TGFBR1: variants seen among roughly 807,000 people sequenced by gnomAD.
TGFBR1 encodes TGF-beta receptor type-1.
TGFBR1 carries 20 observed loss-of-function variants against 55.1 expected under a neutral mutation model. The observed-to-expected ratio is 0.36, with a 90% CI of 0.26 to 0.53. The LOEUF is 0.53. Ranked by LOEUF, TGFBR1 falls within the 20% of genes least tolerant of loss-of-function variation. The pLI is 0.91. For missense variants in TGFBR1, 385 were observed against 617.6 expected, an observed-to-expected ratio of 0.62 and a Z score of 3.99; for synonymous variants, 220 against 214.8, an observed-to-expected ratio of 1.02 and a Z score of -0.21.
In TGFBR1 at chr9:99,123,319, A is replaced by G. The variant is rs184577335; in HGVS notation, c.98-5536A>G. Among the ~76,000 whole-genome samples, 13 of 152,284 alleles carry G rather than the reference A, an allele frequency of 8.5e-5. No homozygotes were observed. In the East Asian group the frequency reaches 1.9e-3, roughly 23 times the overall value. On this transcript the variant is annotated intron_variant, in intron 1 of 8. Coordinates refer to ENST00000374994, the MANE Select transcript of TGFBR1 (RefSeq NM_004612.4). Reference sequence around the variant, plus strand: ...AAATGTAAAGCTTAGAGAAATGTGCATCTCAAGATTAAGAAAGCTATGCCC... The same window carrying G: ...AAATGTAAAGCTTAGAGAAATGTGCGTCTCAAGATTAAGAAAGCTATGCCC...
chr9:99,115,474 G>A (rs1371094718), intron 1 of TGFBR1, among the ~76,000 whole-genome samples: 1 of 152,198 alleles, frequency 6.6e-6, no homozygotes, highest in Non-Finnish European at 1.5e-5. Context: ...GGCTTTTTCT[G>A]CGAGAAACTA....
intron 8 of TGFBR1, among the ~76,000 whole-genome samples, chr9:99,148,271 C>T (rs953616235): frequency 6.6e-6 from 1 of 152,138 alleles, no homozygotes. Flanking sequence ...CATCTGATTG[C>T]CCAGATAACC....
chr9:99,148,433 T>A (rs1182856167), intron 8 of TGFBR1, among the ~76,000 whole-genome samples: 2 of 152,204 alleles, frequency 1.3e-5, no homozygotes, highest in African/African-American at 4.8e-5. Context: ...AATTGCTAGC[T>A]GTTACTATTA....
chr9:99,144,484 TG>T (rs1220629481), intron 5 of TGFBR1, among the ~76,000 whole-genome samples: 1 of 152,194 alleles, frequency 6.6e-6, no homozygotes, highest in Non-Finnish European at 1.5e-5. Flanking sequence ...ACTTTTTTTT[TG>T]CCCCAGTCTT....
At chr9:99,122,956 A>G (rs902231350) in intron 1 of TGFBR1, among the ~76,000 whole-genome samples, 2 of 152,158 alleles carry the variant, frequency 1.3e-5, no homozygotes, top group Non-Finnish European at 2.9e-5. Context: ...CCTTTGTTTC[A>G]TGCTCAAAAT....
At chr9:99,105,559 G>T (rs1380619989) in intron 1 of TGFBR1, among the ~76,000 whole-genome samples, 1 of 151,338 alleles carries the variant, frequency 6.6e-6, no homozygotes, top group African/African-American at 2.4e-5. Context: ...CCCCGCTCGG[G>T]ACTCCCCGGG....
rs1228196810 is a variant in TGFBR1 at position 99,147,555 on chromosome 9, G to C, written c.1256-99G>C. ...ATCTCTGTTCCACATACCTACTTTA[G>C]TAATGAAACACTGTAATAGGTCTCT... On this transcript the variant is annotated intron_variant, in intron 7 of 8. Coordinates refer to ENST00000374994, the MANE Select transcript of TGFBR1 (RefSeq NM_004612.4). 7.0e-6 allele frequency: 8 copies of C among 1,137,992 alleles called. No homozygotes were observed. The Admixed American group carries it at 1.5e-4, about 22-fold the overall frequency. 70.5% of individuals were successfully genotyped at this position (1,137,992 alleles called of 1,614,324 possible). A position where few individuals can be genotyped will look rare whatever the true frequency, so the allele number is the denominator to read the frequency against.
intron 1 of TGFBR1, among the ~76,000 whole-genome samples, chr9:99,124,234 G>T (rs1352921482): frequency 6.6e-6 from 1 of 152,076 alleles, no homozygotes; most frequent in Non-Finnish European, 1.5e-5. Flanking sequence ...CAGGACTCAG[G>T]ATTTTAATTA....
chr9:99,133,035 A>G lies in TGFBR1; in HGVS notation c.574+296A>G, dbSNP rs375593060. ...AATTTGCTTTTCATCACTGTGAGGT[A>G]GAAAGGATAAGAACAATTATTCTCA... On this transcript the variant is annotated intron_variant, in intron 3 of 8. Transcript: ENST00000374994. Among the ~76,000 whole-genome samples, 22 of 152,330 alleles carry G rather than the reference A, an allele frequency of 1.4e-4. 1 individual carries two copies. The highest frequency in any genetic ancestry group is 1.2e-3 in the Admixed American group (19 of 15,296).
At chr9:99,110,294 G>A (rs1420258381) in intron 1 of TGFBR1, among the ~76,000 whole-genome samples, 1 of 152,124 alleles carries the variant, frequency 6.6e-6, no homozygotes, top group Non-Finnish European at 1.5e-5. Context: ...TTCTTGAAGG[G>A]TTGCAAGAAT....
chr9:99,111,802 G>C (rs1281042684), intron 1 of TGFBR1, among the ~76,000 whole-genome samples: 1 of 152,176 alleles, frequency 6.6e-6, no homozygotes, highest in African/African-American at 2.4e-5. Context: ...ATATTTAGTA[G>C]TGATCAACAT....
At chr9:99,147,581 C>T in intron 7 of TGFBR1, 73 bp from the exon 8 acceptor site, 2 of 1,400,824 alleles carry the variant, frequency 1.4e-6, no homozygotes, top group Non-Finnish European at 2.0e-6. Context: ...ATAGGTCTCT[C>T]AGGTGATCTT....
At chr9:99,104,902 C>G (rs569119226), upstream of TGFBR1, among the ~76,000 whole-genome samples, 62 of 151,774 alleles carry the variant, frequency 4.1e-4, no homozygotes, top group Non-Finnish European at 8.5e-4. Context: ...GGGCTGGGGT[C>G]TGGCGGCCCA....
chr9:99,149,822 G>C lies in TGFBR1; in HGVS notation c.*517G>C. The C allele has an allele frequency of 4.4e-6, 1 of 226,492 alleles. No individual in the cohort carries two copies. Among genetic ancestry groups the C allele is most frequent in the South Asian group, 1.5e-4 (1 of 6,488 alleles). 14.0% of individuals were successfully genotyped at this position (226,492 alleles called of 1,614,324 possible). On this transcript the variant is annotated 3_prime_UTR_variant, in exon 9 of 9. Coordinates refer to ENST00000374994, the MANE Select transcript of TGFBR1 (RefSeq NM_004612.4). ...CTAACACTTATAAAACTCTTATCTT[G>C]AGTCTAAAAATGACCTCATATAGTA...
intron 8 of TGFBR1, 66 bp downstream of exon 8, chr9:99,147,850 C>T: frequency 1.3e-6 from 2 of 1,589,486 alleles, no homozygotes. Context: ...CAAAAGTTTG[C>T]TACTTTTCTT....
In TGFBR1 at chr9:99,153,052, A is replaced by G. The variant is rs1048551574; in HGVS notation, c.*3747A>G. The G allele has an allele frequency of 4.4e-6, 1 of 228,228 alleles. No individual in the cohort carries two copies. Among genetic ancestry groups the G allele is most frequent in the Non-Finnish European group, 8.7e-6 (1 of 114,612 alleles). 14.1% of individuals were successfully genotyped at this position (228,228 alleles called of 1,614,324 possible). On this transcript the variant is annotated 3_prime_UTR_variant, in exon 9 of 9. Coordinates refer to ENST00000374994, the MANE Select transcript of TGFBR1 (RefSeq NM_004612.4). ...TTTTAACAAGATTTGTGAACTGAAT[A>G]TCATGAACCATGTTTTGATACCCCT...
chr9:99,153,778 G>T lies in TGFBR1; in HGVS notation c.*4473G>T, dbSNP rs1828035153. 4.8e-6 allele frequency: 1 copy of T among 206,568 alleles called. No individual in the cohort carries two copies. The highest frequency in any genetic ancestry group is 9.9e-6 in the Non-Finnish European group (1 of 100,952). The allele number at this position is 206,568 out of a possible 1,614,324, so 12.8% of individuals were successfully genotyped here. ...TAGAAGTTTTCTAACCCTGCCTAGT[G>T]CAAGTTACAATATTATAGCGTGTTC... On this transcript the variant is annotated 3_prime_UTR_variant, in exon 9 of 9. Transcript: ENST00000374994.
rs200082162 is a variant in TGFBR1, at chr9:99,150,964, T to C, written c.*1659T>C. ...AGGGGAGAAAAAACTATCATAGCTC[T>C]GAGGCAAGACTTCGACTTTATAGTG... is the stretch of plus-strand genomic sequence containing the variant. On this transcript the variant is annotated 3_prime_UTR_variant, in exon 9 of 9. Coordinates refer to ENST00000374994, the MANE Select transcript of TGFBR1 (RefSeq NM_004612.4). 53 of 226,804 alleles carry C rather than the reference T, an allele frequency of 2.3e-4. No homozygotes were observed. In the Middle Eastern group the frequency reaches 0.011, roughly 46 times the overall value. The allele number at this position is 226,804 out of a possible 1,614,324, so 14.0% of individuals were successfully genotyped here.
At position 99,150,834 on chromosome 9, in the gene TGFBR1, A is replaced by C; in HGVS notation, c.*1529A>C. On this transcript the variant is annotated 3_prime_UTR_variant, in exon 9 of 9. Transcript: ENST00000374994. ...AACTTGTCATGGTCTTCTTACATTAAGTTGAAACTAGCTTATAATAACTGG... is the reference window on the plus strand; with the variant it reads ...AACTTGTCATGGTCTTCTTACATTACGTTGAAACTAGCTTATAATAACTGG... 1 of 219,522 alleles carries C rather than the reference A, an allele frequency of 4.6e-6. No homozygotes were observed. The highest frequency in any genetic ancestry group is 6.8e-5 in the East Asian group (1 of 14,808). 13.6% of individuals were successfully genotyped at this position (219,522 alleles called of 1,614,324 possible). A position where few individuals can be genotyped will look rare whatever the true frequency, so the allele number is the denominator to read the frequency against.
Sources: allele counts gnomAD v4.1 joint callset (sites outside exome capture counted in the v4.1 genomes callset), GRCh38; gene constraint gnomAD v4.1.1; transcripts MANE v1.5; gene names NCBI Gene and HGNC (gene_info 2026-07-23, HGNC 2026-07-21).